Variants in GABRB2 observed in about 807,000 individuals in gnomAD.
GABRB2 encodes gamma-aminobutyric acid receptor subunit beta-2.
A neutral mutation model predicts 54.7 loss-of-function variants in GABRB2; 16 were observed. The observed-to-expected ratio is 0.29, with a 90% CI of 0.20 to 0.44. The LOEUF (loss-of-function observed/expected upper bound fraction) is 0.44. Ranked by LOEUF, GABRB2 falls within the 20% of genes least tolerant of loss-of-function variation. The probability of loss-of-function intolerance (pLI) is 1.00; values close to 1 mark genes in which losing one functional copy is unlikely to be tolerated. For synonymous variants in GABRB2, 244 were observed against 233.8 expected, an observed-to-expected ratio of 1.04 and a Z score of -0.40; for missense variants, 355 against 644.0, an observed-to-expected ratio of 0.55 and a Z score of 4.86.
At chr5:161,419,638 A>T (rs1756790199) in intron 4 of GABRB2, among the ~76,000 whole-genome samples, 1 of 152,264 alleles carries the variant, frequency 6.6e-6, no homozygotes, top group South Asian at 2.1e-4. Context: ...ATGAAAAAGA[A>T]TGAAATCTTG....
rs182163318 is a variant in GABRB2 at position 161,387,778 on chromosome 5, A to G, written c.541+23197T>C. On this transcript the variant is annotated intron_variant, in intron 5 of 9. Transcript: ENST00000393959. ...AATCAAATGCAGTGTTATATTTAAA[A>G]ACTTAGCTTAAATAAATAGTTAAAC... is the stretch of plus-strand genomic sequence containing the variant. 3.3e-5 allele frequency among the ~76,000 whole-genome samples: 5 copies of G among 152,340 alleles called. No homozygotes were observed. In the East Asian group the frequency reaches 7.7e-4, roughly 24 times the overall value.
At chr5:161,401,471 C>G (rs1247669113) in intron 5 of GABRB2, among the ~76,000 whole-genome samples, 1 of 152,028 alleles carries the variant, frequency 6.6e-6, no homozygotes, top group African/African-American at 2.4e-5. Context: ...GTGAAACTTA[C>G]AACCGATAGT....
intron 3 of GABRB2, among the ~76,000 whole-genome samples, chr5:161,477,913 A>G (rs1758644819): frequency 6.6e-6 from 1 of 152,040 alleles, no homozygotes; most frequent in African/African-American, 2.4e-5. Context: ...TAATAACACC[A>G]CTGTAAACTG....
At chr5:161,423,378 T>G (rs2113151925) in intron 4 of GABRB2, among the ~76,000 whole-genome samples, 1 of 152,316 alleles carries the variant, frequency 6.6e-6, no homozygotes, top group African/African-American at 2.4e-5. Context: ...TGAAATTTTG[T>G]GGTAACCATG....
intron 4 of GABRB2, among the ~76,000 whole-genome samples, chr5:161,428,686 C>T (rs1757083563): frequency 6.6e-6 from 1 of 152,154 alleles, no homozygotes; most frequent in African/African-American, 2.4e-5. Flanking sequence ...AGCCTTCATT[C>T]AGCATGGTGC....
At chr5:161,384,770 T>C (rs1321294723) in intron 5 of GABRB2, among the ~76,000 whole-genome samples, 1 of 152,166 alleles carries the variant, frequency 6.6e-6, no homozygotes, top group Non-Finnish European at 1.5e-5. Flanking sequence ...AGGCAGGGCT[T>C]GTACTAGGTG....
At chr5:161,300,488 A>G (rs533130961) in intron 9 of GABRB2, among the ~76,000 whole-genome samples, 40 of 152,332 alleles carry the variant, frequency 2.6e-4, no homozygotes, top group Non-Finnish European at 5.4e-4. Flanking sequence ...TAAGTCATAG[A>G]ACATTTTAAC....
At chr5:161,313,772 G>A (rs1580971453) in intron 9 of GABRB2, among the ~76,000 whole-genome samples, 2 of 152,268 alleles carry the variant, frequency 1.3e-5, no homozygotes, top group Admixed American at 1.3e-4. Context: ...TACAAATGAG[G>A]GAACTGGTGC....
intron 4 of GABRB2, among the ~76,000 whole-genome samples, chr5:161,456,148 C>T (rs1438217478): frequency 1.3e-5 from 2 of 152,178 alleles, no homozygotes; most frequent in Admixed American, 1.3e-4. Context: ...TTCTTGGTCA[C>T]TGCCTTGATA....
chr5:161,434,578 TG>T (rs941256872), intron 4 of GABRB2, among the ~76,000 whole-genome samples: 4 of 152,314 alleles, frequency 2.6e-5, no homozygotes, highest in Middle Eastern at 3.4e-3. Flanking sequence ...TCCCTCTACC[TG>T]GAATCCCCTT....
Position 161,289,908 on chromosome 5 carries a change from G to A in GABRB2, c.*4173C>T, listed in dbSNP as rs953480674. The A allele has an allele frequency of 1.3e-5, 2 of 151,938 alleles. No homozygotes were observed. The highest frequency in any genetic ancestry group is 4.8e-5 in the African/African-American group (2 of 41,350). The allele number at this position is 151,938 out of a possible 1,614,324, so 9.4% of individuals were successfully genotyped here. ...AAAAGGGTGTTTAAATTACTCTGCT[G>A]GGGGCACTGCAGTAATAGTACTTAG... is the stretch of plus-strand genomic sequence containing the variant. On this transcript the variant is annotated 3_prime_UTR_variant, in exon 10 of 10. Transcript: ENST00000393959.
chr5:161,541,645 G>A (rs1439653797), intron 3 of GABRB2, among the ~76,000 whole-genome samples: 5 of 152,180 alleles, frequency 3.3e-5, no homozygotes, highest in Non-Finnish European at 5.9e-5. Context: ...CTAGCTTCCA[G>A]CATTTCTTCT....
intron 3 of GABRB2, among the ~76,000 whole-genome samples, chr5:161,486,395 C>T (rs1007474907): frequency 6.6e-6 from 1 of 151,984 alleles, no homozygotes; most frequent in Non-Finnish European, 1.5e-5. Flanking sequence ...TGGAAGTAAA[C>T]ATCTTGCCCA....
chr5:161,473,444 G>A (rs570888398), intron 3 of GABRB2, among the ~76,000 whole-genome samples: 14 of 152,060 alleles, frequency 9.2e-5, no homozygotes, highest in African/African-American at 3.4e-4. Context: ...TTACCTCGAG[G>A]AGGAAAAAAA....
chr5:161,407,733 G>A lies in GABRB2; in HGVS notation c.541+3242C>T, dbSNP rs556873088. 3.3e-5 allele frequency among the ~76,000 whole-genome samples: 5 copies of A among 152,156 alleles called. No individual in the cohort carries two copies. In the East Asian group the frequency reaches 7.7e-4, roughly 24 times the overall value. ...ATTCTATGTAGACAAAATATGGTGA[G>A]TTGCCTCTGACCACACAGGTAACGG... On this transcript the variant is annotated intron_variant, in intron 5 of 9. Coordinates refer to ENST00000393959, the MANE Select transcript of GABRB2 (RefSeq NM_001371727.1).
intron 4 of GABRB2, among the ~76,000 whole-genome samples, chr5:161,424,903 T>A (rs1024135112): frequency 6.6e-6 from 1 of 152,122 alleles, no homozygotes; most frequent in African/African-American, 2.4e-5. Flanking sequence ...CCAACATTAA[T>A]AAGAGTTTAG....
intron 9 of GABRB2, among the ~76,000 whole-genome samples, chr5:161,295,116 G>T (rs1000532556): frequency 2.0e-5 from 3 of 152,172 alleles, no homozygotes; most frequent in African/African-American, 7.2e-5. Context: ...AAAAATAGGA[G>T]CATAACAGCC....
chr5:161,425,808 A>G (rs775207216), intron 4 of GABRB2, among the ~76,000 whole-genome samples: 1 of 152,152 alleles, frequency 6.6e-6, no homozygotes, highest in Non-Finnish European at 1.5e-5. Context: ...TCATAGAAAT[A>G]ATGGGGTACC....
intron 5 of GABRB2, among the ~76,000 whole-genome samples, chr5:161,373,482 T>A (rs1231258922): frequency 6.6e-6 from 1 of 152,094 alleles, no homozygotes; most frequent in African/African-American, 2.4e-5. Flanking sequence ...AAAACCCACC[T>A]CCCACATATT....
Sources: allele counts gnomAD v4.1 joint callset (sites outside exome capture counted in the v4.1 genomes callset), GRCh38; gene constraint gnomAD v4.1.1; transcripts MANE v1.5; gene names NCBI Gene and HGNC (gene_info 2026-07-23, HGNC 2026-07-21).